The following CACNA1A variants were observed in gnomAD, a reference collection of about 807,000 sequenced individuals.
CACNA1A encodes the protein calcium voltage-gated channel subunit alpha1 A, also known as voltage-dependent P/Q-type calcium channel subunit alpha-1A.
Under a neutral mutation model 262.4 loss-of-function variants are expected in CACNA1A, and 57 were observed. The observed-to-expected ratio is 0.22, with a 90% CI of 0.18 to 0.27. The LOEUF is 0.27. CACNA1A is among the 10% of genes least tolerant of loss of function. The pLI, the probability that CACNA1A is intolerant of heterozygous loss-of-function variation, is 1.00. For synonymous variants in CACNA1A, 1,431 were observed against 1,419.3 expected, an observed-to-expected ratio of 1.01 and a Z score of -0.18; for missense variants, 2,526 against 3,562.8, an observed-to-expected ratio of 0.71 and a Z score of 7.41.
intron 4 of CACNA1A, among the ~76,000 whole-genome samples, chr19:13,369,554 G>A (rs778729719): frequency 2.0e-5 from 3 of 152,216 alleles, no homozygotes; most frequent in Non-Finnish European, 4.4e-5. Context: ...ATCTGTAAAT[G>A]GGGACTGCAA....
intron 24 of CACNA1A, among the ~76,000 whole-genome samples, chr19:13,270,157 G>A (rs1349189022): frequency 6.6e-6 from 1 of 152,050 alleles, no homozygotes; most frequent in East Asian, 1.9e-4. Context: ...GATCTTGTCG[G>A]ACTTACTTCC....
chr19:13,238,758 G>A (rs914844911), intron 31 of CACNA1A, among the ~76,000 whole-genome samples: 2 of 151,974 alleles, frequency 1.3e-5, no homozygotes, highest in Admixed American at 6.6e-5. Flanking sequence ...GCTAATTTTT[G>A]TATTTTTTAG....
intron 5 of CACNA1A, chr19:13,364,831 G>C (rs1256812258): frequency 6.6e-6 from 1 of 152,278 alleles, no homozygotes; most frequent in African/African-American, 2.4e-5. Flanking sequence ...AGTACAGATG[G>C]GGTTTCACCA....
intron 1 of CACNA1A, among the ~76,000 whole-genome samples, chr19:13,499,185 G>A (rs567769005): frequency 2.6e-5 from 4 of 152,204 alleles, no homozygotes; most frequent in Non-Finnish European, 4.4e-5. Context: ...GAGACAGGGA[G>A]TGCAAAAGGG....
intron 15 of CACNA1A, among the ~76,000 whole-genome samples, chr19:13,305,170 A>G (rs1185797667): frequency 3.3e-5 from 5 of 152,158 alleles, no homozygotes; most frequent in South Asian, 2.1e-4. Flanking sequence ...ACTGTAGGTA[A>G]CCGGGGCTTG....
chr19:13,298,988 G>T lies in CACNA1A; in HGVS notation c.2645C>A (p.Pro882His). Residue 882 changes from proline to histidine, a missense_variant, in exon 19 of 47, where the codon CCC becomes CAC. Around this residue, in one of 17 missense-constraint regions of CACNA1A, gnomAD observed 765 missense variants for 748.6 expected, o/e 1.02. Coordinates refer to ENST00000360228, the MANE Select transcript of CACNA1A (RefSeq NM_001127222.2). ...CTCGGCCTCCTGGCTTCCCGCCCAG[G>T]GCCTCCGTGCGTCCAGGCCCGCCGA... ...SGSAGLDARR[P>H]WAGSQEAELS... 1 of 1,580,384 alleles carries T rather than the reference G, an allele frequency of 6.3e-7. No individual in the cohort carries two copies. The highest frequency in any genetic ancestry group is 8.5e-7 in the Non-Finnish European group (1 of 1,170,756).
intron 30 of CACNA1A, among the ~76,000 whole-genome samples, chr19:13,250,260 A>T (rs1306022011): frequency 6.6e-6 from 1 of 151,656 alleles, no homozygotes; most frequent in Non-Finnish European, 1.5e-5. Flanking sequence ...GGGTTTCACC[A>T]TGTTGTCCAG....
intron 19 of CACNA1A, 83 bp downstream of exon 19, chr19:13,298,461 C>A: frequency 7.8e-7 from 1 of 1,275,120 alleles, no homozygotes; most frequent in Non-Finnish European, 1.1e-6. Flanking sequence ...TTTTTATAAA[C>A]AAATACACAG....
chr19:13,450,207 A>G (rs1235325409), intron 3 of CACNA1A: 2 of 150,644 alleles, frequency 1.3e-5, no homozygotes, highest in African/African-American at 4.9e-5. Context: ...TTACTTCTCT[A>G]TCCCCAATTC....
At chr19:13,395,405 G>A (rs2059792270) in intron 3 of CACNA1A, among the ~76,000 whole-genome samples, 1 of 151,128 alleles carries the variant, frequency 6.6e-6, no homozygotes, top group Non-Finnish European at 1.5e-5. Flanking sequence ...GAGGTCAGCA[G>A]TTTGAGACCA....
chr19:13,376,222 T>G (rs1345204482), intron 3 of CACNA1A, among the ~76,000 whole-genome samples: 1 of 152,188 alleles, frequency 6.6e-6, no homozygotes, highest in Non-Finnish European at 1.5e-5. Flanking sequence ...GAATAATAGA[T>G]TTTTAATGTA....
intron 37 of CACNA1A, chr19:13,225,836 T>C (rs2055414049): frequency 1.3e-5 from 2 of 152,008 alleles, no homozygotes; most frequent in South Asian, 4.1e-4. Flanking sequence ...AAATGATAGA[T>C]TTATGTACTT....
chr19:13,305,616 G>T (rs2057883504), intron 15 of CACNA1A, among the ~76,000 whole-genome samples: 1 of 152,176 alleles, frequency 6.6e-6, no homozygotes, highest in Non-Finnish European at 1.5e-5. Context: ...AGCATTCCTA[G>T]TCTCCACCCA....
intron 6 of CACNA1A, among the ~76,000 whole-genome samples, chr19:13,339,774 T>TAA (rs200259831): frequency 0.031 from 4,335 of 138,994 alleles, 223 homozygotes; most frequent in African/African-American, 0.11. Flanking sequence ...TGCCATGGAT[T>TAA]AAAAAAAAAA....
chr19:13,320,665 T>G (rs1600322370), intron 10 of CACNA1A, among the ~76,000 whole-genome samples: 1 of 152,226 alleles, frequency 6.6e-6, no homozygotes, highest in South Asian at 2.1e-4. Context: ...CTGGACCCCA[T>G]GCTAGGCACT....
In CACNA1A at chr19:13,227,957, G is replaced by C. The variant is rs567904296; in HGVS notation, c.5529-430C>G. Reference sequence around the variant, plus strand: ...GAGACAGGGTCTCTCTCTGTCGCCTGGGTTGGAGTGCAGTGGTGTGATCAT... The same window carrying C: ...GAGACAGGGTCTCTCTCTGTCGCCTCGGTTGGAGTGCAGTGGTGTGATCAT... On this transcript the variant is annotated intron_variant, in intron 36 of 46. Transcript: ENST00000360228. 3.7e-5 allele frequency among the ~76,000 whole-genome samples: 5 copies of C among 134,296 alleles called. No individual in the cohort carries two copies. In the East Asian group the frequency reaches 7.5e-4, roughly 20 times the overall value. 88.1% of individuals were successfully genotyped at this position (134,296 alleles called of 152,430 possible).
intron 10 of CACNA1A, among the ~76,000 whole-genome samples, chr19:13,320,962 G>C (rs1052533676): frequency 2.0e-5 from 3 of 151,460 alleles, no homozygotes; most frequent in Non-Finnish European, 2.9e-5. Context: ...CCTAGTTCAG[G>C]GTCAGCCACA....
At chr19:13,275,707 G>T in intron 24 of CACNA1A, 143 bp downstream of exon 24, 1 of 678,584 alleles carries the variant, frequency 1.5e-6, no homozygotes, top group Non-Finnish European at 2.7e-6. Context: ...AGCTCTTCCT[G>T]GTGGCATGCT....
At chr19:13,231,603 G>T in intron 35 of CACNA1A, 107 bp downstream of exon 35, 1 of 1,179,438 alleles carries the variant, frequency 8.5e-7, no homozygotes, top group Non-Finnish European at 1.2e-6. Context: ...GAGAAGCCTT[G>T]GAGGGAACAA....
Sources: allele counts gnomAD v4.1 joint callset (sites outside exome capture counted in the v4.1 genomes callset), GRCh38; gene constraint gnomAD v4.1.1; regional missense constraint gnomAD v4.1.1; transcripts MANE v1.5; gene names NCBI Gene and HGNC (gene_info 2026-07-23, HGNC 2026-07-21).